Variants in SYNPR observed in about 807,000 individuals in gnomAD.
The protein encoded by SYNPR is synaptoporin.
SYNPR carries 23 observed loss-of-function variants against 32.9 expected under a neutral mutation model. The observed-to-expected ratio is 0.70, with a 90% CI of 0.50 to 0.99. The LOEUF is 0.99. Ranked by LOEUF, SYNPR falls within the 50% of genes least tolerant of loss-of-function variation. SYNPR has a pLI of 0.00. For missense variants in SYNPR, 318 were observed against 349.3 expected (o/e 0.91, Z 0.71); for synonymous variants, 146 against 135.9 (o/e 1.07, Z -0.52).
intron 3 of SYNPR, among the ~76,000 whole-genome samples, chr3:63,511,970 C>T (rs1037317068): frequency 6.6e-6 from 1 of 152,094 alleles, no homozygotes; most frequent in African/African-American, 2.4e-5. Context: ...ACCAGCCACC[C>T]TAATTTTATT....
At chr3:63,397,913 T>C (rs917172849) in intron 2 of SYNPR, among the ~76,000 whole-genome samples, 1 of 152,202 alleles carries the variant, frequency 6.6e-6, no homozygotes, top group African/African-American at 2.4e-5. Context: ...GAGACAAGTA[T>C]AGAAATAGCT....
chr3:63,429,410 T>A (rs1338247676), intron 2 of SYNPR, among the ~76,000 whole-genome samples: 21 of 152,190 alleles, frequency 1.4e-4, no homozygotes, highest in Admixed American at 1.4e-3. Context: ...ACCCAATTAT[T>A]CTTAGCACTT....
At position 63,579,254 on chromosome 3, in the gene SYNPR, G is replaced by A. The variant is rs80036912; in HGVS notation, c.408+22513G>A. On this transcript the variant is annotated intron_variant, in intron 4 of 5. Coordinates refer to ENST00000478300, the MANE Select transcript of SYNPR (RefSeq NM_001130003.2). ...TTTCCTAGGTTGATAAACTTACCAG[G>A]CTTGCTCCCATCTCAGGGGCTCCCT... 8.2e-3 allele frequency among the ~76,000 whole-genome samples: 1,241 copies of A among 152,108 alleles called. 12 individuals carry two copies. Among genetic ancestry groups the A allele is most frequent in the African/African-American group, 0.029 (1,189 of 41,506 alleles).
the SYNPR span, among the ~76,000 whole-genome samples, chr3:63,206,749 C>A: frequency 6.6e-6 from 1 of 152,098 alleles, no homozygotes; most frequent in East Asian, 1.9e-4. Flanking sequence ...CCTTGCCTCT[C>A]CTTGTGTGGA....
chr3:63,462,577 T>C (rs1700605085), intron 2 of SYNPR, among the ~76,000 whole-genome samples: 1 of 152,154 alleles, frequency 6.6e-6, no homozygotes, highest in African/African-American at 2.4e-5. Flanking sequence ...CGCTGAGTTA[T>C]ACTTTATTCC....
intron 1 of SYNPR, among the ~76,000 whole-genome samples, chr3:63,237,030 T>C (rs2086205385): frequency 6.6e-6 from 1 of 152,164 alleles, no homozygotes; most frequent in African/African-American, 2.4e-5. Flanking sequence ...GCAATTCCCC[T>C]TTACTCCCAA....
intron 2 of SYNPR, among the ~76,000 whole-genome samples, chr3:63,372,587 G>C (rs1204845156): frequency 6.6e-6 from 1 of 152,122 alleles, no homozygotes; most frequent in Admixed American, 6.5e-5. Flanking sequence ...CCCCTGGGTT[G>C]GGCCCACAGC....
upstream of SYNPR, among the ~76,000 whole-genome samples, chr3:63,224,556 AT>A (rs1388752616): frequency 2.0e-5 from 3 of 152,196 alleles, no homozygotes; most frequent in South Asian, 4.1e-4. Flanking sequence ...GACAACCTAC[AT>A]TTTTTAAAGG....
At chr3:63,326,376 A>G (rs1039357299) in intron 2 of SYNPR, among the ~76,000 whole-genome samples, 1 of 152,098 alleles carries the variant, frequency 6.6e-6, no homozygotes, top group Non-Finnish European at 1.5e-5. Flanking sequence ...CAGGTTATAT[A>G]TAAGGGATTG....
intron 2 of SYNPR, among the ~76,000 whole-genome samples, chr3:63,382,472 C>A (rs1380629080): frequency 6.6e-6 from 1 of 152,228 alleles, no homozygotes; most frequent in Non-Finnish European, 1.5e-5. Flanking sequence ...CTGGCATAGA[C>A]TAGCTATATT....
At chr3:63,324,288 A>G (rs1011184319) in intron 2 of SYNPR, among the ~76,000 whole-genome samples, 2 of 152,168 alleles carry the variant, frequency 1.3e-5, no homozygotes, top group Admixed American at 6.5e-5. Context: ...TTGAACTAGT[A>G]TCAGTGACCT....
intron 2 of SYNPR, among the ~76,000 whole-genome samples, chr3:63,318,248 T>A (rs1255768289): frequency 1.3e-5 from 2 of 152,068 alleles, no homozygotes; most frequent in Admixed American, 6.6e-5. Flanking sequence ...AAGATCTTTT[T>A]GCGATGAATT....
At chr3:63,577,346 T>C (rs1440427223) in intron 4 of SYNPR, among the ~76,000 whole-genome samples, 1 of 152,186 alleles carries the variant, frequency 6.6e-6, no homozygotes, top group Non-Finnish European at 1.5e-5. Context: ...AGTTGAATTA[T>C]AGAGTACCCT....
intron 3 of SYNPR, among the ~76,000 whole-genome samples, chr3:63,493,389 A>T (rs1701292563): frequency 6.6e-6 from 1 of 152,292 alleles, no homozygotes; most frequent in Middle Eastern, 3.4e-3. Context: ...CAGGATTCAC[A>T]TTCTTAATTC....
chr3:63,229,004 C>T (rs2086149393), intron 1 of SYNPR, among the ~76,000 whole-genome samples: 1 of 152,096 alleles, frequency 6.6e-6, no homozygotes, highest in African/African-American at 2.4e-5. Context: ...GCAGAACTTC[C>T]TACTTACAAT....
chr3:63,411,520 G>T (rs1399727957), intron 2 of SYNPR, among the ~76,000 whole-genome samples: 1 of 152,046 alleles, frequency 6.6e-6, no homozygotes, highest in Non-Finnish European at 1.5e-5. Context: ...GATAATAAAA[G>T]AAAGTTATAT....
rs768788383 is a variant in SYNPR, at chr3:63,615,224, G to T, written c.601G>T (p.Val201Phe). Residue 201 changes from valine (V) to phenylalanine (F), a missense_variant and splice_region_variant, in exon 6 of 6, where the codon GTC becomes TTC. By Grantham distance (50) the Val-to-Phe change is conservative (BLOSUM62 -1). Transcript: ENST00000478300. ...TTCATTGGCTTTGATTCTCCTTCAG[G>T]TCTTTGGATTCTTGAACTTTATTCT... ...PVMSSLNTSVVFGFLNFILWA... is the reference protein window; with the variant it reads ...PVMSSLNTSVFFGFLNFILWA... 1 of 1,613,144 alleles carries T rather than the reference G, an allele frequency of 6.2e-7. No individual in the cohort carries two copies. Among genetic ancestry groups the T allele is most frequent in the Non-Finnish European group, 8.5e-7 (1 of 1,179,454 alleles).
intron 4 of SYNPR, among the ~76,000 whole-genome samples, chr3:63,582,661 G>C (rs563506559): frequency 6.6e-6 from 1 of 152,130 alleles, no homozygotes; most frequent in African/African-American, 2.4e-5. Flanking sequence ...CACAGGAATA[G>C]GTGCTACAGG....
At chr3:63,249,359 G>C (rs2086313926) in intron 1 of SYNPR, among the ~76,000 whole-genome samples, 1 of 152,088 alleles carries the variant, frequency 6.6e-6, no homozygotes, top group African/African-American at 2.4e-5. Context: ...TTTTTGAAGG[G>C]GAGATGTGGT....
Sources: allele counts gnomAD v4.1 joint callset (sites outside exome capture counted in the v4.1 genomes callset), GRCh38; gene constraint gnomAD v4.1.1; transcripts MANE v1.5; gene names NCBI Gene and HGNC (gene_info 2026-07-23, HGNC 2026-07-21).